The following LRRFIP2 variants were observed in gnomAD, a reference collection of about 807,000 sequenced individuals.
LRRFIP2 encodes the protein LRR binding FLII interacting protein 2.
LRRFIP2 carries 109 observed loss-of-function variants against 125.9 expected under a neutral mutation model. The ratio of observed to expected loss-of-function variants is 0.87; its 90% CI spans 0.74 to 1.01. The LOEUF (loss-of-function observed/expected upper bound fraction) is 1.01. Ranked by LOEUF, LRRFIP2 falls within the 50% of genes least tolerant of loss-of-function variation. The pLI, the probability that LRRFIP2 is intolerant of heterozygous loss-of-function variation, is 0.00. For synonymous variants in LRRFIP2, 291 were observed against 293.1 expected, an observed-to-expected ratio of 0.99 and a Z score of 0.07; for missense variants, 850 against 862.3, an observed-to-expected ratio of 0.99 and a Z score of 0.18.
At chr3:37,072,501 CAAAAAAAAAAAAA>C (rs907848276) in intron 21 of LRRFIP2, among the ~76,000 whole-genome samples, 41 of 34,490 alleles carry the variant, frequency 1.2e-3, no homozygotes, top group African/African-American at 1.7e-3. Context: ...GACTCCGTCT[CAAAAAAAAAAAAA>C]AAAAAAAAAA....
At chr3:37,070,429 C>G (rs1176216749) in intron 21 of LRRFIP2, among the ~76,000 whole-genome samples, 1 of 151,494 alleles carries the variant, frequency 6.6e-6, no homozygotes, top group Non-Finnish European at 1.5e-5. Flanking sequence ...TAATTTCTTA[C>G]AACTGCATGT....
chr3:37,074,004 A>T (rs1028584707), intron 20 of LRRFIP2, among the ~76,000 whole-genome samples: 3 of 152,252 alleles, frequency 2.0e-5, no homozygotes, highest in Admixed American at 1.3e-4. Context: ...AATCTGATAG[A>T]TCCAAAAGGT....
At chr3:37,123,563 T>C (rs954878441) in intron 4 of LRRFIP2, among the ~76,000 whole-genome samples, 13 of 152,210 alleles carry the variant, frequency 8.5e-5, no homozygotes, top group African/African-American at 3.1e-4. Context: ...TCCCTTTCTT[T>C]ATCAACCACG....
chr3:37,153,723 G>C (rs1363966081), intron 1 of LRRFIP2, among the ~76,000 whole-genome samples: 2 of 152,172 alleles, frequency 1.3e-5, no homozygotes, highest in Non-Finnish European at 2.9e-5. Context: ...CCCTGAGAAA[G>C]AGATGACAGG....
chr3:37,095,040 T>C (rs2149229858), intron 16 of LRRFIP2, 132 bp from the exon 17 acceptor site: 1 of 651,482 alleles, frequency 1.5e-6, no homozygotes, highest in Non-Finnish European at 2.8e-6. Flanking sequence ...GTGTAATCAA[T>C]GGTCAATTTA....
chr3:37,128,944 A>C (rs897567077), intron 3 of LRRFIP2, 119 bp downstream of exon 3: 1 of 872,294 alleles, frequency 1.1e-6, no homozygotes, highest in African/African-American at 1.7e-5. Context: ...TAAAATACAT[A>C]CATCAGTTTA....
intron 12 of LRRFIP2, among the ~76,000 whole-genome samples, chr3:37,108,435 C>T (rs564584997): frequency 2.3e-4 from 35 of 152,196 alleles, no homozygotes; most frequent in Non-Finnish European, 4.3e-4. Flanking sequence ...TTCCAGCAGG[C>T]ATTTTATCAC....
intron 25 of LRRFIP2, among the ~76,000 whole-genome samples, chr3:37,058,098 C>A (rs994472910): frequency 6.6e-6 from 1 of 152,082 alleles, no homozygotes; most frequent in Non-Finnish European, 1.5e-5. Context: ...AGACAAATTC[C>A]AGAGAAAAAA....
chr3:37,091,641 C>T, intron 17 of LRRFIP2, 103 bp from the exon 18 acceptor site: 4 of 765,178 alleles, frequency 5.2e-6, no homozygotes, highest in Non-Finnish European at 4.2e-6. Context: ...ATATTCCAGA[C>T]TAAAAGCAGA....
intron 2 of LRRFIP2, among the ~76,000 whole-genome samples, chr3:37,140,006 T>C (rs937275036): frequency 6.6e-6 from 1 of 152,192 alleles, no homozygotes; most frequent in Non-Finnish European, 1.5e-5. Context: ...TCTATTCTTA[T>C]CTCATCTGTC....
chr3:37,097,168 TG>T (rs2149256732), intron 15 of LRRFIP2, among the ~76,000 whole-genome samples: 1 of 151,778 alleles, frequency 6.6e-6, no homozygotes, highest in African/African-American at 2.4e-5. Flanking sequence ...AAGGATTTTT[TG>T]TTTTCTCAGT....
intron 6 of LRRFIP2, among the ~76,000 whole-genome samples, chr3:37,120,327 A>C (rs2094971628): frequency 6.6e-6 from 1 of 150,494 alleles, no homozygotes; most frequent in Non-Finnish European, 1.5e-5. Flanking sequence ...CTGGTCTTGA[A>C]CTCCCGATCT....
At chr3:37,128,738 T>C (rs1044014889) in intron 3 of LRRFIP2, among the ~76,000 whole-genome samples, 1 of 152,204 alleles carries the variant, frequency 6.6e-6, no homozygotes, top group Admixed American at 6.5e-5. Context: ...GATATCATAA[T>C]ATAATTAATC....
chr3:37,103,414 T>G (rs547289900), intron 14 of LRRFIP2, among the ~76,000 whole-genome samples: 1 of 152,358 alleles, frequency 6.6e-6, no homozygotes, highest in South Asian at 2.1e-4. Flanking sequence ...ATATATATGC[T>G]GAATGCAGAA....
chr3:37,125,263 T>C (rs2095233509), intron 4 of LRRFIP2, among the ~76,000 whole-genome samples: 2 of 152,132 alleles, frequency 1.3e-5, no homozygotes, highest in South Asian at 4.1e-4. Flanking sequence ...AGTTTCAAAT[T>C]AGAAGGAACT....
At chr3:37,144,781 A>C (rs1223916960) in intron 2 of LRRFIP2, among the ~76,000 whole-genome samples, 1 of 152,232 alleles carries the variant, frequency 6.6e-6, no homozygotes, top group Non-Finnish European at 1.5e-5. Context: ...CCAGCCACAC[A>C]TATGTTCCAT....
chr3:37,168,453 T>C (rs1578078505), intron 1 of LRRFIP2, among the ~76,000 whole-genome samples: 1 of 152,212 alleles, frequency 6.6e-6, no homozygotes, highest in Non-Finnish European at 1.5e-5. Flanking sequence ...ATTCCATTTA[T>C]ACGAGGTACC....
intron 19 of LRRFIP2, among the ~76,000 whole-genome samples, chr3:37,075,825 T>A (rs961591609): frequency 6.6e-6 from 1 of 152,084 alleles, no homozygotes; most frequent in Non-Finnish European, 1.5e-5. Flanking sequence ...ATTAAAACAA[T>A]GTTGTTATGG....
At chr3:37,138,855 T>G (rs2095622985) in intron 2 of LRRFIP2, among the ~76,000 whole-genome samples, 3 of 152,246 alleles carry the variant, frequency 2.0e-5, no homozygotes, top group African/African-American at 7.2e-5. Context: ...CCTTACTAAG[T>G]TGAGAACTTT....
Sources: gnomAD v4.1 joint callset for allele counts (sites outside exome capture counted in the v4.1 genomes callset) on GRCh38, gnomAD v4.1.1 for gene constraint, MANE v1.5 for transcripts, NCBI Gene and HGNC (gene_info 2026-07-23, HGNC 2026-07-21) for gene names.